Variants in CREB3L3 observed in about 807,000 individuals in gnomAD.
The protein encoded by CREB3L3 is cAMP responsive element binding protein 3 like 3.
In CREB3L3, 40 loss-of-function variants were observed where a neutral mutation model predicts 44.6. That is an observed-to-expected ratio of 0.90 (90% CI 0.70 to 1.17). The LOEUF is 1.17. Ranked by LOEUF, CREB3L3 falls within the 50% of genes most tolerant of loss-of-function variation. The pLI is 0.00. For synonymous variants in CREB3L3, 273 were observed against 256.3 expected (o/e 1.06, Z -0.62); for missense variants, 578 against 595.8 (o/e 0.97, Z 0.31).
chr19:4,164,813 A>T (rs2041705207), intron 5 of CREB3L3, among the ~76,000 whole-genome samples, 173 bp downstream of exon 5: 1 of 152,032 alleles, frequency 6.6e-6, no homozygotes. Flanking sequence ...GATTCCAGCG[A>T]TTCTCCCGCC....
rs748428517 is a variant in CREB3L3 at position 4,157,230 on chromosome 19, C to G, written c.392C>G (p.Ser131Cys). The G allele has an allele frequency of 4.3e-6, 7 of 1,614,170 alleles. No homozygotes were observed. The East Asian group carries it at 1.1e-4, about 26-fold the overall frequency. The part of the protein sequence containing the change: ...GPCLSYHPGN[S>C]CSTTTPGPVI... ...TGCCTCTCCTATCATCCTGGCAACT[C>G]TTGCTCCACCACAACCCCAGGGCCA... The change falls in exon 3 of 10, where the codon TCT (serine) becomes TGT (cysteine). Residue 131 changes from serine to cysteine, a missense_variant. By Grantham distance (112) the Ser-to-Cys change is moderately radical. Transcript: ENST00000078445.
At chr19:4,154,433 G>A (rs1208840641) in intron 1 of CREB3L3, among the ~76,000 whole-genome samples, 6 of 151,922 alleles carry the variant, frequency 3.9e-5, no homozygotes, top group Non-Finnish European at 7.4e-5. Context: ...GCAGTGGGGT[G>A]GCCATAGCTC....
intron 5 of CREB3L3, among the ~76,000 whole-genome samples, chr19:4,165,008 A>G (rs1042000342): frequency 1.3e-5 from 2 of 151,818 alleles, no homozygotes; most frequent in East Asian, 3.9e-4. Flanking sequence ...CGCACTGGCT[A>G]TGTGTCTCAC....
At chr19:4,155,695 T>TTTCC (rs563757938) in intron 2 of CREB3L3, among the ~76,000 whole-genome samples, 28 of 150,912 alleles carry the variant, frequency 1.9e-4, no homozygotes, top group Middle Eastern at 3.5e-3. Flanking sequence ...TCTTTTTCTC[T>TTTCC]TTCCTTCCTT....
In CREB3L3 at chr19:4,156,975, C is replaced by A. The variant is rs772806290; in HGVS notation, c.157-20C>A. 6.2e-6 allele frequency: 10 copies of A among 1,613,438 alleles called. No homozygotes were observed. The highest frequency in any genetic ancestry group is 6.8e-6 in the Non-Finnish European group (8 of 1,179,636). On this transcript the variant is annotated intron_variant, in intron 2 of 9. Coordinates refer to ENST00000078445, the MANE Select transcript of CREB3L3 (RefSeq NM_032607.3). ...AGTGAGCACTTCCTAATTCCTACTA[C>A]CCCTCCCTGTCCACCCCAGCAGGTC... is the stretch of plus-strand genomic sequence containing the variant.
chr19:4,171,849 C>T lies in CREB3L3; in HGVS notation c.1266C>T (p.Thr422=), dbSNP rs1303060975. The T allele has an allele frequency of 1.2e-6, 2 of 1,613,602 alleles. No homozygotes were observed. Among genetic ancestry groups the T allele is most frequent in the East Asian group, 2.2e-5 (1 of 44,876 alleles). The part of the protein sequence containing the change: ...TNSTEELDNA[T]LVLRNATEGL... The stretch of plus-strand genomic sequence containing the variant: ...CGACGGAGGAGCTGGACAACGCCAC[C>T]CTGGTCCTGAGGAATGCAACAGAGG... The change falls in exon 10 of 10, where the codon ACC becomes ACT. Residue 422 remains threonine (T), a synonymous_variant. Coordinates refer to ENST00000078445, the MANE Select transcript of CREB3L3 (RefSeq NM_032607.3). This position sits in a 1 kb window ranked among gnomAD's most constrained non-coding sequence, Gnocchi z 4.9.
chr19:4,168,901 T>G (rs775643247), intron 6 of CREB3L3, among the ~76,000 whole-genome samples: 1 of 151,910 alleles, frequency 6.6e-6, no homozygotes, highest in Admixed American at 6.6e-5. Context: ...CCCAGCTAAT[T>G]TCTTTGTATT....
chr19:4,158,014 T>A lies in CREB3L3; in HGVS notation c.457+719T>A, dbSNP rs1355593656. On this transcript the variant is annotated intron_variant, in intron 3 of 9. Coordinates refer to ENST00000078445, the MANE Select transcript of CREB3L3 (RefSeq NM_032607.3). The stretch of plus-strand genomic sequence containing the variant: ...GATGCTCAATAAAAGTGCATGAGGT[T>A]ACCAGGTCCTAGGTTCCAGGGTGCT... Among the ~76,000 whole-genome samples the A allele has an allele frequency of 2.0e-5, 3 of 152,074 alleles. No individual in the cohort carries two copies. The East Asian group carries it at 5.8e-4, about 29-fold the overall frequency.
intron 2 of CREB3L3, 59 bp from the exon 3 acceptor site, chr19:4,156,936 A>G (rs1395199843): frequency 4.4e-6 from 7 of 1,577,364 alleles, no homozygotes; most frequent in South Asian, 1.1e-5. Context: ...GGGGCCACAC[A>G]CTAATCTAAA....
chr19:4,170,311 T>C (rs1226389065), intron 7 of CREB3L3, 103 bp downstream of exon 7: 4 of 1,196,476 alleles, frequency 3.3e-6, no homozygotes, highest in African/African-American at 1.5e-5. Context: ...ACATAGGGAA[T>C]AAGAGTTTTA....
chr19:4,154,628 C>T (rs1223053368), intron 1 of CREB3L3, among the ~76,000 whole-genome samples: 2 of 152,092 alleles, frequency 1.3e-5, no homozygotes, highest in South Asian at 2.1e-4. Flanking sequence ...CCTGCCCCGG[C>T]CTCCCAAAGT....
At chr19:4,166,023 T>G (rs1397797824) in intron 5 of CREB3L3, among the ~76,000 whole-genome samples, 1 of 152,074 alleles carries the variant, frequency 6.6e-6, no homozygotes, top group Non-Finnish European at 1.5e-5. Flanking sequence ...GTTCTCTAGC[T>G]AACCACAGTC....
At chr19:4,154,247 C>A (rs1200590727) in intron 1 of CREB3L3, among the ~76,000 whole-genome samples, 1 of 151,560 alleles carries the variant, frequency 6.6e-6, no homozygotes, top group Non-Finnish European at 1.5e-5. Context: ...AATTTTTGTA[C>A]TTTTCCTAGA....
intron 5 of CREB3L3, among the ~76,000 whole-genome samples, chr19:4,167,388 GAAAA>G (rs1244374655): frequency 7.9e-6 from 1 of 127,136 alleles, no homozygotes; most frequent in African/African-American, 3.0e-5. Flanking sequence ...AGGAAGGAAA[GAAAA>G]GAAAGAAAGA....
rs746337444 is a variant in CREB3L3, at chr19:4,154,906, C to T, written c.35C>T (p.Ser12Phe). The T allele has an allele frequency of 9.5e-5, 153 of 1,613,866 alleles. No homozygotes were observed. The highest frequency in any genetic ancestry group is 1.2e-4 in the Non-Finnish European group (147 of 1,180,038). ...NTDLAAGKMA[S>F]AACSMDPIDS... ...CTGTTCCTCGCGCCCCAGATGGCTT[C>T]TGCTGCCTGCTCCATGGACCCCATC... The change falls in exon 2 of 10, where the codon TCT becomes TTT. Residue 12 changes from serine (S) to phenylalanine (F), a missense_variant. Physicochemically the swap from Ser to Phe is radical, Grantham distance 155. Coordinates refer to ENST00000078445, the MANE Select transcript of CREB3L3 (RefSeq NM_032607.3).
In CREB3L3 at chr19:4,153,674, C is replaced by G; in HGVS notation, c.-74C>G. On this transcript the variant is annotated 5_prime_UTR_variant, in exon 1 of 10. Coordinates refer to ENST00000078445, the MANE Select transcript of CREB3L3 (RefSeq NM_032607.3). Reference sequence around the variant, plus strand: ...TGTGAGCTTGCCCGGCCCCAGGTAACGCTGGCGGTGGGTGGGCCTCCAGCT... The same window carrying G: ...TGTGAGCTTGCCCGGCCCCAGGTAAGGCTGGCGGTGGGTGGGCCTCCAGCT... 1 of 1,584,212 alleles carries G rather than the reference C, an allele frequency of 6.3e-7. No individual in the cohort carries two copies. The highest frequency in any genetic ancestry group is 8.7e-7 in the Non-Finnish European group (1 of 1,155,240).
chr19:4,167,352 A>AAGAAAGAG (rs377740874), intron 5 of CREB3L3, among the ~76,000 whole-genome samples: 124 of 130,230 alleles, frequency 9.5e-4, no homozygotes, highest in East Asian at 2.3e-3. Flanking sequence ...GAAAGAAAGA[A>AAGAAAGAG]AGAGAGAGAG....
At chr19:4,164,748 A>G in intron 5 of CREB3L3, 108 bp downstream of exon 5, 3 of 1,344,736 alleles carry the variant, frequency 2.2e-6, no homozygotes, top group Non-Finnish European at 3.1e-6. Context: ...TTTCTCTGTC[A>G]CTGAGGCTGG....
intron 4 of CREB3L3, among the ~76,000 whole-genome samples, chr19:4,160,495 C>T (rs2041644629): frequency 6.6e-6 from 1 of 151,362 alleles, no homozygotes; most frequent in South Asian, 2.1e-4. Flanking sequence ...CCTCAGACTC[C>T]CAAGTAGCTG....
Sources: allele counts gnomAD v4.1 joint callset (sites outside exome capture counted in the v4.1 genomes callset), GRCh38; gene constraint gnomAD v4.1.1; non-coding constraint Gnocchi (gnomAD v3.1); transcripts MANE v1.5; gene names NCBI Gene and HGNC (gene_info 2026-07-23, HGNC 2026-07-21).